Variants in ADAM23 observed in about 807,000 individuals in gnomAD.
ADAM23 encodes disintegrin and metalloproteinase domain-containing protein 23.
In ADAM23, 33 loss-of-function variants were observed where a neutral mutation model predicts 120.1. The ratio of observed to expected loss-of-function variants is 0.27; its 90% CI spans 0.21 to 0.37. ADAM23 has a LOEUF of 0.37. ADAM23 is among the 10% of genes least tolerant of loss of function. The pLI is 1.00. For missense variants in ADAM23, 862 were observed against 1,058.2 expected (o/e 0.81, Z 2.57); for synonymous variants, 367 against 375.2 (o/e 0.98, Z 0.25).
chr2:206,552,151 A>G (rs553576510), intron 9 of ADAM23, among the ~76,000 whole-genome samples: 1 of 152,328 alleles, frequency 6.6e-6, no homozygotes, highest in South Asian at 2.1e-4. Flanking sequence ...TTTTTTCAAC[A>G]TCCATTATAT....
chr2:206,507,182 G>A (rs1336089790), intron 3 of ADAM23, among the ~76,000 whole-genome samples: 1 of 152,082 alleles, frequency 6.6e-6, no homozygotes, highest in Non-Finnish European at 1.5e-5. Flanking sequence ...ATGATAAGTT[G>A]CAGTCAGATG....
chr2:206,512,274 T>C (rs150887080), intron 3 of ADAM23, among the ~76,000 whole-genome samples: 4 of 152,276 alleles, frequency 2.6e-5, no homozygotes, highest in African/African-American at 9.6e-5. Flanking sequence ...TTCAAATTCT[T>C]CTCTAGTTAA....
At chr2:206,447,854 G>C (rs1164455943) in intron 2 of ADAM23, among the ~76,000 whole-genome samples, 2 of 152,208 alleles carry the variant, frequency 1.3e-5, no homozygotes, top group African/African-American at 4.8e-5. Flanking sequence ...CCCTAGACTG[G>C]GGGTAGAGGT....
chr2:206,586,994 T>C (rs913881874), intron 18 of ADAM23, among the ~76,000 whole-genome samples: 3 of 152,232 alleles, frequency 2.0e-5, no homozygotes, highest in Non-Finnish European at 4.4e-5. Context: ...GTGACCGTTC[T>C]ATGTACCAAG....
In ADAM23 at chr2:206,573,202, C is replaced by T. The variant is rs373666272; in HGVS notation, c.1737+7C>T. 8.4e-5 allele frequency: 135 copies of T among 1,613,174 alleles called. 2 individuals are homozygous for T. Among genetic ancestry groups the T allele is most frequent in the African/African-American group, 6.0e-4 (45 of 74,972 alleles). On this transcript the variant is annotated splice_region_variant and intron_variant, in intron 18 of 25. Coordinates refer to ENST00000264377, the MANE Select transcript of ADAM23 (RefSeq NM_003812.4). ...TACTGGAGACTCTGGTCAGGTATGG[C>T]GCACTGAGTTTTTGGTAATACATTT...
At chr2:206,512,551 G>C (rs573079543) in intron 3 of ADAM23, among the ~76,000 whole-genome samples, 1 of 152,180 alleles carries the variant, frequency 6.6e-6, no homozygotes, top group Non-Finnish European at 1.5e-5. Flanking sequence ...GCATGCATGT[G>C]AAGACATTCC....
At chr2:206,526,238 CTT>C (rs1696946188) in intron 3 of ADAM23, among the ~76,000 whole-genome samples, 2 of 152,066 alleles carry the variant, frequency 1.3e-5, no homozygotes, top group East Asian at 1.9e-4. Flanking sequence ...AGGTAAATCT[CTT>C]TTTGTGAATT....
chr2:206,525,049 G>A (rs1696915646), intron 3 of ADAM23, among the ~76,000 whole-genome samples: 1 of 152,152 alleles, frequency 6.6e-6, no homozygotes, highest in South Asian at 2.1e-4. Flanking sequence ...TCCCAGGATA[G>A]CCCTTCCTGG....
intron 13 of ADAM23, 82 bp from the exon 14 acceptor site, chr2:206,564,938 G>A: frequency 7.1e-7 from 1 of 1,404,602 alleles, no homozygotes; most frequent in African/African-American, 1.4e-5. Flanking sequence ...AAGAATTATT[G>A]TAGGAGTTGT....
At chr2:206,593,139 G>C (rs1698458123) in intron 22 of ADAM23, among the ~76,000 whole-genome samples, 1 of 152,100 alleles carries the variant, frequency 6.6e-6, no homozygotes. Context: ...GTCTGGTTTG[G>C]AAGATGGCTT....
intron 2 of ADAM23, among the ~76,000 whole-genome samples, chr2:206,458,029 G>T (rs1412821262): frequency 2.6e-5 from 4 of 152,188 alleles, no homozygotes; most frequent in Non-Finnish European, 4.4e-5. Context: ...TAACGATCCA[G>T]TGTAGCCATT....
At position 206,617,757 on chromosome 2, in the gene ADAM23, T is replaced by G; in HGVS notation, c.*130T>G. The G allele has an allele frequency of 4.0e-6, 6 of 1,496,920 alleles. No individual in the cohort carries two copies. Among genetic ancestry groups the G allele is most frequent in the Non-Finnish European group, 5.4e-6 (6 of 1,121,332 alleles). 92.7% of individuals were successfully genotyped at this position (1,496,920 alleles called of 1,614,324 possible). A position where few individuals can be genotyped will look rare whatever the true frequency, so the allele number is the denominator to read the frequency against. On this transcript the variant is annotated 3_prime_UTR_variant, in exon 26 of 26. Transcript: ENST00000264377. Reference sequence around the variant, plus strand: ...GTGGTAATGACTACGGAGCTAAAGTTGGGGTGACAAGGATGGGGTAAAAGA... The same window carrying G: ...GTGGTAATGACTACGGAGCTAAAGTGGGGGTGACAAGGATGGGGTAAAAGA...
chr2:206,544,361 A>G (rs1336931316), intron 6 of ADAM23, among the ~76,000 whole-genome samples: 2 of 152,170 alleles, frequency 1.3e-5, no homozygotes, highest in East Asian at 1.9e-4. Context: ...TTGCTTGCTA[A>G]TAGAATGCAA....
chr2:206,553,299 G>A (rs1697573010), intron 9 of ADAM23, among the ~76,000 whole-genome samples: 1 of 152,056 alleles, frequency 6.6e-6, no homozygotes, highest in African/African-American at 2.4e-5. Context: ...AGCCGGAGGT[G>A]GTGACATTTA....
intron 3 of ADAM23, among the ~76,000 whole-genome samples, chr2:206,529,809 G>A (rs879409088): frequency 4.2e-4 from 62 of 147,444 alleles, no homozygotes; most frequent in East Asian, 8.0e-4. Context: ...GTGTGTGTGT[G>A]TATATATACA....
At position 206,481,322 on chromosome 2, in the gene ADAM23, C is replaced by T. The variant is rs1349360484; in HGVS notation, c.509+14C>T. ...CATACTGAACAAGTGAGTATTTAGA[C>T]ATAATCTTCTTAAGAAGCAGGTGCA... On this transcript the variant is annotated intron_variant, in intron 3 of 25. Coordinates refer to ENST00000264377, the MANE Select transcript of ADAM23 (RefSeq NM_003812.4). 7.0e-6 allele frequency: 11 copies of T among 1,561,168 alleles called. No individual in the cohort carries two copies. The highest frequency in any genetic ancestry group is 9.5e-6 in the Non-Finnish European group (11 of 1,154,894).
At chr2:206,477,923 A>ATAT (rs1261680065) in intron 2 of ADAM23, among the ~76,000 whole-genome samples, 8 of 90,746 alleles carry the variant, frequency 8.8e-5, no homozygotes, top group African/African-American at 3.3e-4. Context: ...TATATATATA[A>ATAT]AACAACAATG....
chr2:206,564,420 T>C (rs1258819891), intron 13 of ADAM23, among the ~76,000 whole-genome samples: 1 of 152,226 alleles, frequency 6.6e-6, no homozygotes, highest in African/African-American at 2.4e-5. Context: ...CTCTTGCTCA[T>C]CCTCACTTCA....
In ADAM23 at chr2:206,443,941, C is replaced by T. The variant is rs1226134207; in HGVS notation, c.75C>T (p.Pro25=). The part of the protein sequence containing the change: ...GCSLAGASCG[P]QRGPAGSVPA... ...GCCTTGCCGGCGCTTCCTGCGGCCC[C>T]CAACGCGGCCCCGCCGGCTCGGTGC... The change falls in exon 1 of 26, where the codon CCC becomes CCT. Residue 25 remains proline (P), a synonymous_variant. Coordinates refer to ENST00000264377, the MANE Select transcript of ADAM23 (RefSeq NM_003812.4). 3.3e-5 allele frequency: 41 copies of T among 1,252,320 alleles called. No individual in the cohort carries two copies. The highest frequency in any genetic ancestry group is 4.1e-5 in the Non-Finnish European group (41 of 1,003,096). The allele number at this position is 1,252,320 out of a possible 1,614,324, so 77.6% of individuals were successfully genotyped here. A position where few individuals can be genotyped will look rare whatever the true frequency, so the allele number is the denominator to read the frequency against.
Sources: allele counts gnomAD v4.1 joint callset (sites outside exome capture counted in the v4.1 genomes callset), GRCh38; gene constraint gnomAD v4.1.1; transcripts MANE v1.5; gene names NCBI Gene and HGNC (gene_info 2026-07-23, HGNC 2026-07-21).